TULP4: variants seen among roughly 807,000 people sequenced by gnomAD.
The protein encoded by TULP4 is tubby-related protein 4.
In TULP4, 16 loss-of-function variants were observed where a neutral mutation model predicts 129.0. That is an observed-to-expected ratio of 0.12 (90% CI 0.08 to 0.19). The LOEUF is 0.19. TULP4 is among the 10% of genes least tolerant of loss of function. The probability of loss-of-function intolerance (pLI) is 1.00; values close to 1 mark genes in which losing one functional copy is unlikely to be tolerated. For missense variants in TULP4, 1,842 were observed against 2,059.1 expected (o/e 0.89, Z 2.04); for synonymous variants, 998 against 854.0 (o/e 1.17, Z -2.94).
At chr6:158,281,357 G>A (rs1450570836), upstream of TULP4, among the ~76,000 whole-genome samples, 2 of 152,120 alleles carry the variant, frequency 1.3e-5, no homozygotes, top group African/African-American at 2.4e-5. Context: ...GGGATTACAG[G>A]CGCCTACCAC....
Position 158,508,877 on chromosome 6 carries a change from G to GTT in TULP4, c.*2183_*2184insTT, listed in dbSNP as rs1780663564. On this transcript the variant is annotated 3_prime_UTR_variant, in exon 14 of 14. Transcript: ENST00000367097. ...AAGAAATAAAGAGGATATGATAGAA[G>GTT]GTTTTTTTTTTTTTTTTTTTTTTTT... 2.3e-5 allele frequency: 3 copies of GTT among 128,444 alleles called. No homozygotes were observed. The highest frequency in any genetic ancestry group is 4.9e-5 in the Non-Finnish European group (3 of 60,654). The allele number at this position is 128,444 out of a possible 1,614,324, so 8.0% of individuals were successfully genotyped here. A position where few individuals can be genotyped will look rare whatever the true frequency, so the allele number is the denominator to read the frequency against.
chr6:158,482,417 T>G (rs983893872), intron 8 of TULP4, among the ~76,000 whole-genome samples: 7 of 152,222 alleles, frequency 4.6e-5, no homozygotes, highest in African/African-American at 1.7e-4. Context: ...TATTAGATAT[T>G]AGTCCGTTTT....
chr6:158,451,790 G>A (rs147733721), intron 4 of TULP4, among the ~76,000 whole-genome samples: 1 of 152,324 alleles, frequency 6.6e-6, no homozygotes, highest in African/African-American at 2.4e-5. Flanking sequence ...CTTGGATGTT[G>A]TATGACATTA....
At chr6:158,309,266 G>C (rs1345662410), upstream of TULP4, among the ~76,000 whole-genome samples, 1 of 140,330 alleles carries the variant, frequency 7.1e-6, no homozygotes, top group Non-Finnish European at 1.6e-5. Flanking sequence ...TCGCGGCCGG[G>C]CAGAGGCACT....
intron 1 of TULP4, among the ~76,000 whole-genome samples, chr6:158,358,646 A>G (rs1463494277): frequency 6.6e-6 from 1 of 152,240 alleles, no homozygotes; most frequent in Non-Finnish European, 1.5e-5. Flanking sequence ...AAGACATATG[A>G]GAAACGGTTC....
At position 158,493,788 on chromosome 6, in the gene TULP4, C is replaced by A; in HGVS notation, c.1776+71C>A. The A allele has an allele frequency of 6.9e-7, 1 of 1,459,028 alleles. No homozygotes were observed. Among genetic ancestry groups the A allele is most frequent in the Non-Finnish European group, 9.1e-7 (1 of 1,100,594 alleles). The allele number at this position is 1,459,028 out of a possible 1,614,324, so 90.4% of individuals were successfully genotyped here. A position where few individuals can be genotyped will look rare whatever the true frequency, so the allele number is the denominator to read the frequency against. ...CTATGCCCAGAGGGCCCCTTCCTAC[C>A]CGCCGCCTGCACTGCTCACTGCCAC... is the stretch of plus-strand genomic sequence containing the variant. On this transcript the variant is annotated intron_variant, in intron 10 of 13. Coordinates refer to ENST00000367097, the MANE Select transcript of TULP4 (RefSeq NM_020245.5). The surrounding 1 kb of genome is among the most constrained non-coding windows in gnomAD (Gnocchi z 4.4).
intron 9 of TULP4, among the ~76,000 whole-genome samples, chr6:158,490,102 G>T (rs924375713): frequency 6.6e-6 from 1 of 152,130 alleles, no homozygotes; most frequent in Non-Finnish European, 1.5e-5. Context: ...CAGATAAGAT[G>T]CCTGTAATGC....
At chr6:158,434,989 C>T (rs779504983) in intron 3 of TULP4, among the ~76,000 whole-genome samples, 4 of 152,214 alleles carry the variant, frequency 2.6e-5, no homozygotes, top group Non-Finnish European at 4.4e-5. Context: ...AAGCAGCCCC[C>T]ACACGTTTCT....
rs1481000397 is a variant in TULP4, at chr6:158,452,193, T to C, written c.784T>C (p.Phe262Leu). 1.2e-6 allele frequency: 2 copies of C among 1,614,076 alleles called. No homozygotes were observed. Among genetic ancestry groups the C allele is most frequent in the African/African-American group, 1.3e-5 (1 of 74,918 alleles). ...QNIKPLLTVSFTSGDISLMNN... is the reference protein window; with the variant it reads ...QNIKPLLTVSLTSGDISLMNN... The stretch of plus-strand genomic sequence containing the variant: ...CATCAAGCCTCTGCTCACCGTCAGC[T>C]TCACCTCGGGAGACATCAGCTTAAT... The change falls in exon 5 of 14, where the codon TTC becomes CTC. Residue 262 changes from phenylalanine to leucine, a missense_variant. Transcript: ENST00000367097.
intron 1 of TULP4, among the ~76,000 whole-genome samples, chr6:158,352,333 T>C (rs1165880729): frequency 6.6e-6 from 1 of 152,240 alleles, no homozygotes; most frequent in Admixed American, 6.5e-5. Flanking sequence ...AAGTTTTAGT[T>C]TCTACTTTTT....
At position 158,328,135 on chromosome 6, in the gene TULP4, T is replaced by TGC. The variant is rs1779792358; in HGVS notation, c.252+13868_252+13869dup. Among the ~76,000 whole-genome samples, 2 of 97,202 alleles carry TGC rather than the reference T, an allele frequency of 2.1e-5. 1 individual carries two copies. The allele number at this position is 97,202 out of a possible 152,430, so 63.8% of individuals were successfully genotyped here. ...GTGTGTGTGTGTGTGTGTGCGTGCG[T>TGC]GCTGGGAAAGAGGTAGACCTAGTTA... is the stretch of plus-strand genomic sequence containing the variant. On this transcript the variant is annotated intron_variant, in intron 1 of 13. Transcript: ENST00000367097.
intron 11 of TULP4, among the ~76,000 whole-genome samples, chr6:158,497,637 C>A (rs1355248766): frequency 6.6e-6 from 1 of 152,168 alleles, no homozygotes; most frequent in African/African-American, 2.4e-5. Flanking sequence ...ATTCTTAAGT[C>A]ATATGGAACC....
Position 158,445,593 on chromosome 6 carries a change from G to A in TULP4, c.544-3403G>A, listed in dbSNP as rs146235820. ...CCAAGTTCAGAATGCTGTGGGGGCC[G>A]TGGTTAGAGCAAGATTAATTCTGTG... On this transcript the variant is annotated intron_variant, in intron 3 of 13. Coordinates refer to ENST00000367097, the MANE Select transcript of TULP4 (RefSeq NM_020245.5). Among the ~76,000 whole-genome samples, 344 of 152,280 alleles carry A rather than the reference G, an allele frequency of 2.3e-3. 1 individual carries two copies. The highest frequency in any genetic ancestry group is 7.6e-3 in the African/African-American group (317 of 41,562).
chr6:158,416,253 G>A (rs1778205983), intron 2 of TULP4, among the ~76,000 whole-genome samples: 1 of 152,048 alleles, frequency 6.6e-6, no homozygotes. Context: ...ATCTCCTTTG[G>A]CAACACCCTC....
At chr6:158,377,099 GT>G (rs1422312401) in intron 1 of TULP4, among the ~76,000 whole-genome samples, 3 of 152,338 alleles carry the variant, frequency 2.0e-5, no homozygotes, top group African/African-American at 7.2e-5. Flanking sequence ...AATTATTGCT[GT>G]GTAAAAGTAG....
At chr6:158,365,287 C>A (rs1313331256) in intron 1 of TULP4, among the ~76,000 whole-genome samples, 1 of 151,754 alleles carries the variant, frequency 6.6e-6, no homozygotes, top group Non-Finnish European at 1.5e-5. Context: ...TTTACTAATT[C>A]TCTCGTTTAC....
chr6:158,275,592 A>G (rs1425842204), intron 1 of TULP4, among the ~76,000 whole-genome samples: 1 of 152,186 alleles, frequency 6.6e-6, no homozygotes, highest in African/African-American at 2.4e-5. Context: ...CACTGTCCCT[A>G]GAGATTCCTT....
chr6:158,461,203 G>C (rs1160879014), intron 5 of TULP4, among the ~76,000 whole-genome samples: 1 of 152,176 alleles, frequency 6.6e-6, no homozygotes, highest in East Asian at 1.9e-4. Flanking sequence ...CCTGAGGTCG[G>C]GAGTTCGAGA....
chr6:158,318,899 ATTTTTTTTTTTTTT>A (rs56898948), intron 1 of TULP4, among the ~76,000 whole-genome samples: 1 of 136,942 alleles, frequency 7.3e-6, no homozygotes, highest in African/African-American at 2.8e-5. Context: ...CTAGTTACAA[ATTTTTTTTTTTTTT>A]TTTTTTTTTT....
Sources: allele counts gnomAD v4.1 joint callset (sites outside exome capture counted in the v4.1 genomes callset), GRCh38; gene constraint gnomAD v4.1.1; non-coding constraint Gnocchi (gnomAD v3.1); transcripts MANE v1.5; gene names NCBI Gene and HGNC (gene_info 2026-07-23, HGNC 2026-07-21).